The following ARHGEF12 variants were observed in gnomAD, a reference collection of about 807,000 sequenced individuals.
The protein encoded by ARHGEF12 is KMT2A/ARHGEF12 fusion protein.
Under a neutral mutation model 211.2 loss-of-function variants are expected in ARHGEF12, and 66 were observed. That is an observed-to-expected ratio of 0.31 (90% CI 0.26 to 0.38). The LOEUF (loss-of-function observed/expected upper bound fraction) is 0.38, where lower values mean the gene tolerates loss of function less well. ARHGEF12 is among the 10% of genes least tolerant of loss of function. ARHGEF12 has a pLI of 1.00. For missense variants in ARHGEF12, 1,429 were observed against 1,869.5 expected (o/e 0.76, Z 4.34); for synonymous variants, 592 against 638.4 (o/e 0.93, Z 1.09).
rs1565492543 is a variant in ARHGEF12 at position 120,451,753 on chromosome 11, T to C, written c.2056+29T>C. The C allele has an allele frequency of 2.5e-6, 4 of 1,584,360 alleles. No individual in the cohort carries two copies. The African/African-American group carries it at 5.4e-5, about 21-fold the overall frequency. ...AGCTATTACTGTAGTTCAGCTTAAC[T>C]AAGCATCAAGATTTTAAAACAAACA... On this transcript the variant is annotated intron_variant, in intron 22 of 40. Coordinates refer to ENST00000397843, the MANE Select transcript of ARHGEF12 (RefSeq NM_015313.3).
chr11:120,397,985 C>T (rs1187465792), intron 1 of ARHGEF12, among the ~76,000 whole-genome samples: 1 of 152,028 alleles, frequency 6.6e-6, no homozygotes, highest in African/African-American at 2.4e-5. Flanking sequence ...ACTATTTTGT[C>T]TTTAGTTTTT....
Position 120,477,517 on chromosome 11 carries a change from C to T in ARHGEF12, c.3523C>T (p.Gln1175Ter). The T allele has an allele frequency of 6.2e-7, 1 of 1,610,582 alleles. No homozygotes were observed. The part of the protein sequence containing the change: ...EQHGISVTGL[Q>*]SPDRDLGLES... ...GCATGGCATTTCAGTCACTGGTTTGCAGAGTCCAGGTACACTCTTCTGAAG... is the reference window on the plus strand; with the variant it reads ...GCATGGCATTTCAGTCACTGGTTTGTAGAGTCCAGGTACACTCTTCTGAAG... The change falls in exon 36 of 41, where the codon CAG becomes TAG. Residue 1175 changes from glutamine to a stop codon, truncating the protein, a stop_gained. Coordinates refer to ENST00000397843, the MANE Select transcript of ARHGEF12 (RefSeq NM_015313.3). LOFTEE classifies it high-confidence loss of function.
At chr11:120,446,873 G>A in intron 17 of ARHGEF12, 75 bp from the exon 18 acceptor site, 1 of 1,524,384 alleles carries the variant, frequency 6.6e-7, no homozygotes, top group Non-Finnish European at 8.9e-7. Flanking sequence ...TAGCTGTGAA[G>A]ACTGTGATGA....
In ARHGEF12 at chr11:120,418,207, A is replaced by G. The variant is rs569390228; in HGVS notation, c.200-2546A>G. ...TCACTGCAGAAAGTTCCTTCATTTC[A>G]TTTTGCAGTCATTCCCACTCCTCTT... On this transcript the variant is annotated intron_variant, in intron 4 of 40. Transcript: ENST00000397843. 1.8e-3 allele frequency among the ~76,000 whole-genome samples: 276 copies of G among 152,272 alleles called. 6 individuals are homozygous for G. In the South Asian group the frequency reaches 0.024, roughly 13 times the overall value.
At chr11:120,419,004 C>T (rs547332736) in intron 4 of ARHGEF12, among the ~76,000 whole-genome samples, 16 of 151,252 alleles carry the variant, frequency 1.1e-4, no homozygotes, top group South Asian at 6.3e-4. Context: ...GACAGAGTCT[C>T]GCTCTGTCGC....
intron 1 of ARHGEF12, among the ~76,000 whole-genome samples, chr11:120,384,586 G>T (rs942690824): frequency 2.0e-5 from 3 of 152,170 alleles, no homozygotes; most frequent in African/African-American, 7.2e-5. Context: ...GCATGAGTTT[G>T]TCTCTTGTTC....
intron 29 of ARHGEF12, among the ~76,000 whole-genome samples, chr11:120,468,775 C>A (rs1174163336): frequency 6.6e-6 from 1 of 152,138 alleles, no homozygotes; most frequent in Non-Finnish European, 1.5e-5. Context: ...TGATGAATTT[C>A]ATCTTCTTTT....
intron 1 of ARHGEF12, among the ~76,000 whole-genome samples, chr11:120,364,013 C>T (rs1042516192): frequency 9.2e-5 from 14 of 152,140 alleles, no homozygotes; most frequent in Admixed American, 5.9e-4. Context: ...ACACAATCAC[C>T]ATGTACTGCA....
intron 4 of ARHGEF12, among the ~76,000 whole-genome samples, chr11:120,419,757 A>G (rs1193649611): frequency 3.3e-5 from 5 of 152,134 alleles, no homozygotes; most frequent in East Asian, 1.9e-4. Context: ...TATTTAAAAG[A>G]TTGTGGCTTT....
Position 120,409,585 on chromosome 11 carries a change from T to A in ARHGEF12, c.199+135T>A. 7 of 849,568 alleles carry A rather than the reference T, an allele frequency of 8.2e-6. No individual in the cohort carries two copies. The South Asian group carries it at 1.3e-4, about 16-fold the overall frequency. 52.6% of individuals were successfully genotyped at this position (849,568 alleles called of 1,614,324 possible). A position where few individuals can be genotyped will look rare whatever the true frequency, so the allele number is the denominator to read the frequency against. On this transcript the variant is annotated intron_variant, in intron 4 of 40. Transcript: ENST00000397843. ...CTTGTGTCTGCTGTGCATGGCATGA[T>A]CTACTGCAGGGAAAGGGAGCCTGGG... is the stretch of plus-strand genomic sequence containing the variant.
intron 4 of ARHGEF12, chr11:120,410,809 G>T (rs1038293070): frequency 1.3e-5 from 2 of 152,032 alleles, no homozygotes; most frequent in Non-Finnish European, 2.9e-5. Flanking sequence ...GAGTATTTTG[G>T]CTACTGATAA....
chr11:120,358,758 A>G (rs1943199956), intron 1 of ARHGEF12, among the ~76,000 whole-genome samples: 1 of 152,196 alleles, frequency 6.6e-6, no homozygotes. Context: ...TATTGCAAAA[A>G]GCTCTTTTGG....
At chr11:120,469,417 A>T (rs1488608338) in intron 30 of ARHGEF12, 29 bp downstream of exon 30, 2 of 1,533,896 alleles carry the variant, frequency 1.3e-6, no homozygotes, top group East Asian at 2.3e-5. Context: ...AAGGTACAGG[A>T]TGACATTGGG....
chr11:120,459,298 G>A lies in ARHGEF12; in HGVS notation c.2505G>A (p.Leu835=), dbSNP rs1297609918. 3.1e-6 allele frequency: 5 copies of A among 1,612,836 alleles called. No individual in the cohort carries two copies. In the African/African-American group the frequency reaches 5.3e-5, roughly 17 times the overall value. Residue 835 remains leucine, a synonymous_variant, in exon 26 of 41, where the codon TTG becomes TTA. Coordinates refer to ENST00000397843, the MANE Select transcript of ARHGEF12 (RefSeq NM_015313.3). ...AGCTACGGAAAATTTTTTCAAACTTGGAAGATATTCTTCAACTTCATAGTA... is the reference window on the plus strand; with the variant it reads ...AGCTACGGAAAATTTTTTCAAACTTAGAAGATATTCTTCAACTTCATAGTA... ...PSELRKIFSN[L]EDILQLHIGL... is the part of the protein sequence containing the mutation.
chr11:120,449,427 G>T (rs549916707), intron 21 of ARHGEF12: 1 of 481,658 alleles, frequency 2.1e-6, no homozygotes, highest in East Asian at 3.4e-5. Flanking sequence ...TGGGCTGGGC[G>T]TGGTGATTCA....
At chr11:120,428,016 C>T in intron 7 of ARHGEF12, 53 bp from the exon 8 acceptor site, 1 of 1,445,664 alleles carries the variant, frequency 6.9e-7, no homozygotes, top group Non-Finnish European at 9.2e-7. Flanking sequence ...TAAAAAGTTT[C>T]TTGACAATGT....
intron 26 of ARHGEF12, among the ~76,000 whole-genome samples, chr11:120,460,373 C>G (rs1157127944): frequency 6.6e-6 from 1 of 152,104 alleles, no homozygotes; most frequent in Admixed American, 6.5e-5. Flanking sequence ...AATTCAAGTT[C>G]TTTTTGAGCA....
rs1252174071 is a variant in ARHGEF12 at position 120,489,799 on chromosome 11, ATATATC to A, written c.*4734_*4739del. The A allele has an allele frequency of 1.2e-4, 23 of 189,194 alleles. No homozygotes were observed. The South Asian group carries it at 4.1e-3, about 33-fold the overall frequency. 11.7% of individuals were successfully genotyped at this position (189,194 alleles called of 1,614,324 possible). On this transcript the variant is annotated 3_prime_UTR_variant, in exon 41 of 41. Coordinates refer to ENST00000397843, the MANE Select transcript of ARHGEF12 (RefSeq NM_015313.3). ...TGTATGCCTGGCTTTGTTTACAAACATATATCTATATCTATATATATAGATACAGAT... is the reference window on the plus strand; with the variant it reads ...TGTATGCCTGGCTTTGTTTACAAACATATATCTATATATATAGATACAGAT...
chr11:120,406,896 A>T (rs2135574793), intron 2 of ARHGEF12, among the ~76,000 whole-genome samples: 1 of 151,724 alleles, frequency 6.6e-6, no homozygotes, highest in South Asian at 2.1e-4. Flanking sequence ...AAAAAAATCC[A>T]AAATGTTAAA....
Sources: gnomAD v4.1 joint callset for allele counts (sites outside exome capture counted in the v4.1 genomes callset) on GRCh38, gnomAD v4.1.1 for gene constraint, MANE v1.5 for transcripts, NCBI Gene and HGNC (gene_info 2026-07-23, HGNC 2026-07-21) for gene names.